The following LSAMP variants were observed in gnomAD, a reference collection of about 807,000 sequenced individuals.
LSAMP encodes the protein limbic system-associated membrane protein.
In LSAMP, 7 loss-of-function variants were observed where a neutral mutation model predicts 38.6. The observed-to-expected ratio is 0.18, with a 90% CI of 0.10 to 0.34. The LOEUF is 0.34. Ranked by LOEUF, LSAMP falls within the 10% of genes least tolerant of loss-of-function variation. The pLI, the probability that LSAMP is intolerant of heterozygous loss-of-function variation, is 1.00. For missense variants in LSAMP, 313 were observed against 420.0 expected (o/e 0.75, Z 2.23); for synonymous variants, 154 against 166.8 (o/e 0.92, Z 0.59).
At chr3:116,267,770 A>G (rs1359010409) in intron 1 of LSAMP, among the ~76,000 whole-genome samples, 1 of 152,134 alleles carries the variant, frequency 6.6e-6, no homozygotes, top group Non-Finnish European at 1.5e-5. Flanking sequence ...ATTCTCCCCA[A>G]TATTTCTTCT....
At chr3:115,833,471 A>G (rs909177759) in intron 6 of LSAMP, among the ~76,000 whole-genome samples, 2 of 149,904 alleles carry the variant, frequency 1.3e-5, no homozygotes, top group African/African-American at 4.9e-5. Flanking sequence ...TGTCTAGTTG[A>G]TCCTTGAAAC....
At position 116,445,454 on chromosome 3, in the gene LSAMP, C is replaced by T. The variant is rs1201084112; in HGVS notation, c.-423G>A. 12 of 451,226 alleles carry T rather than the reference C, an allele frequency of 2.7e-5. No homozygotes were observed. In the South Asian group the frequency reaches 7.0e-4, roughly 26 times the overall value. The allele number at this position is 451,226 out of a possible 1,614,324, so 28.0% of individuals were successfully genotyped here. ...GGCGGGCGAGGGAGCCGGCACCAAGCCTGCCAGTGAGTGTACAGAAACAGC... is the reference window on the plus strand; with the variant it reads ...GGCGGGCGAGGGAGCCGGCACCAAGTCTGCCAGTGAGTGTACAGAAACAGC... On this transcript the variant is annotated 5_prime_UTR_variant, in exon 1 of 7. Transcript: ENST00000490035.
At chr3:115,833,481 C>G (rs532749166) in intron 6 of LSAMP, among the ~76,000 whole-genome samples, 5 of 150,096 alleles carry the variant, frequency 3.3e-5, no homozygotes, top group Admixed American at 6.7e-5. Flanking sequence ...ATCCTTGAAA[C>G]CTTGCAATCC....
At position 116,108,422 on chromosome 3, in the gene LSAMP, A is replaced by G. The variant is rs549944883; in HGVS notation, c.156-21866T>C. ...CGTCAATACCCACAACAGTTATGGA[A>G]GCAAGGGAAACAGGCCCTTGACAAG... On this transcript the variant is annotated intron_variant, in intron 1 of 6. Transcript: ENST00000490035. Among the ~76,000 whole-genome samples, 170 of 152,242 alleles carry G rather than the reference A, an allele frequency of 1.1e-3. 1 individual carries two copies. The highest frequency in any genetic ancestry group is 3.9e-3 in the African/African-American group (161 of 41,538).
At chr3:116,005,890 C>A (rs976659215) in intron 3 of LSAMP, among the ~76,000 whole-genome samples, 3 of 152,078 alleles carry the variant, frequency 2.0e-5, no homozygotes, top group African/African-American at 7.2e-5. Flanking sequence ...AATAGGGTGG[C>A]AGTACTGGTT....
intron 1 of LSAMP, among the ~76,000 whole-genome samples, chr3:116,124,038 C>G (rs1172692541): frequency 6.6e-6 from 1 of 152,140 alleles, no homozygotes; most frequent in Non-Finnish European, 1.5e-5. Flanking sequence ...GGTTGACTCT[C>G]TAGGCAGAGA....
chr3:116,217,330 C>T (rs976498798), intron 1 of LSAMP, among the ~76,000 whole-genome samples: 1 of 152,176 alleles, frequency 6.6e-6, no homozygotes, highest in East Asian at 1.9e-4. Context: ...GACACATTCA[C>T]GTTATAGAAG....
intron 1 of LSAMP, among the ~76,000 whole-genome samples, chr3:116,225,367 G>A (rs539785436): frequency 1.3e-5 from 2 of 152,244 alleles, no homozygotes; most frequent in South Asian, 2.1e-4. Context: ...ACCAGAAGTC[G>A]CAAGAGGAAA....
At chr3:115,949,968 CAG>C (rs1456446321) in intron 3 of LSAMP, among the ~76,000 whole-genome samples, 1 of 151,988 alleles carries the variant, frequency 6.6e-6, no homozygotes, top group Non-Finnish European at 1.5e-5. Flanking sequence ...ATCACATAAA[CAG>C]AATTAAAAAC....
chr3:116,259,455 A>G (rs932556641), intron 1 of LSAMP, among the ~76,000 whole-genome samples: 16 of 152,172 alleles, frequency 1.1e-4, no homozygotes, highest in African/African-American at 3.6e-4. Flanking sequence ...TCCACAAGAT[A>G]AACTAAAATT....
intron 3 of LSAMP, among the ~76,000 whole-genome samples, chr3:115,861,652 T>G (rs1030906167): frequency 1.3e-5 from 2 of 152,128 alleles, no homozygotes; most frequent in African/African-American, 2.4e-5. Flanking sequence ...GCTAATGACT[T>G]CCTAAGTGTG....
intron 2 of LSAMP, among the ~76,000 whole-genome samples, chr3:116,070,762 C>T (rs1173111373): frequency 1.3e-5 from 2 of 151,976 alleles, no homozygotes; most frequent in African/African-American, 2.4e-5. Flanking sequence ...ATGTACCTGC[C>T]GGGCACGGTG....
intron 1 of LSAMP, among the ~76,000 whole-genome samples, chr3:116,429,096 C>G (rs1280129687): frequency 3.3e-5 from 5 of 152,166 alleles, no homozygotes; most frequent in African/African-American, 1.2e-4. Context: ...TTGCCTGGCC[C>G]CACAGACAAA....
At chr3:116,123,121 A>G (rs1708920840) in intron 1 of LSAMP, among the ~76,000 whole-genome samples, 2 of 152,222 alleles carry the variant, frequency 1.3e-5, no homozygotes, top group Non-Finnish European at 2.9e-5. Context: ...AAATATCAAT[A>G]ATAGGAAACC....
chr3:116,086,401 T>G lies in LSAMP; in HGVS notation c.311A>C (p.Tyr104Ser). Reference protein sequence around the residue: ...YSLRIQKVDVYDEGSYTCSVQ... With the variant: ...YSLRIQKVDVSDEGSYTCSVQ... The stretch of plus-strand genomic sequence containing the variant: ...TGAGCAAGTGTAGGAACCCTCATCA[T>G]AGACATCCACCTTCTGGATTCGGAG... The change falls in exon 2 of 7, where the codon TAT becomes TCT. Residue 104 changes from tyrosine (Y) to serine (S), a missense_variant. Tyr to Ser is a moderately radical substitution (Grantham distance 144). Transcript: ENST00000490035. 2 of 1,614,120 alleles carry G rather than the reference T, an allele frequency of 1.2e-6. No homozygotes were observed. The highest frequency in any genetic ancestry group is 8.5e-7 in the Non-Finnish European group (1 of 1,179,998).
intron 2 of LSAMP, among the ~76,000 whole-genome samples, chr3:116,039,441 A>T (rs1241891546): frequency 1.3e-5 from 2 of 152,180 alleles, no homozygotes; most frequent in African/African-American, 4.8e-5. Context: ...TAAAAGCATT[A>T]CTTCACACCT....
At chr3:115,966,162 T>G (rs1938806919) in intron 3 of LSAMP, among the ~76,000 whole-genome samples, 1 of 152,236 alleles carries the variant, frequency 6.6e-6, no homozygotes, top group Non-Finnish European at 1.5e-5. Context: ...ATGCACCTAT[T>G]GGGTCTTTCT....
intron 3 of LSAMP, among the ~76,000 whole-genome samples, chr3:115,932,224 A>T (rs1937591388): frequency 1.3e-5 from 2 of 152,190 alleles, no homozygotes; most frequent in African/African-American, 4.8e-5. Context: ...TTCCCATATT[A>T]TAGATACTGA....
At chr3:116,429,343 T>A (rs560744566) in intron 1 of LSAMP, among the ~76,000 whole-genome samples, 2 of 152,276 alleles carry the variant, frequency 1.3e-5, no homozygotes, top group East Asian at 3.9e-4. Flanking sequence ...GAGAAAGAAA[T>A]TGGGTTCAGC....
Sources: gnomAD v4.1 joint callset for allele counts (sites outside exome capture counted in the v4.1 genomes callset) on GRCh38, gnomAD v4.1.1 for gene constraint, MANE v1.5 for transcripts, NCBI Gene and HGNC (gene_info 2026-07-23, HGNC 2026-07-21) for gene names.